Variants in MAGI2 observed in about 807,000 individuals in gnomAD.
MAGI2 encodes the protein membrane associated guanylate kinase, WW and PDZ domain containing 2, also known as membrane-associated guanylate kinase, WW and PDZ domain-containing protein 2.
A neutral mutation model predicts 133.3 loss-of-function variants in MAGI2; 35 were observed. The observed-to-expected ratio is 0.26, with a 90% CI of 0.20 to 0.35. MAGI2 has a LOEUF of 0.35. Among genes scored for constraint, MAGI2 ranks in the 10% least tolerant of loss-of-function variants. The probability of loss-of-function intolerance (pLI) is 1.00; values close to 1 mark genes in which losing one functional copy is unlikely to be tolerated. For missense variants in MAGI2, 1,636 were observed against 1,863.4 expected (o/e 0.88, Z 2.25); for synonymous variants, 729 against 710.6 (o/e 1.03, Z -0.41).
At chr7:78,264,945 A>G (rs991337392) in intron 9 of MAGI2, among the ~76,000 whole-genome samples, 3 of 152,164 alleles carry the variant, frequency 2.0e-5, no homozygotes, top group African/African-American at 7.2e-5. Context: ...CAGTGACTCC[A>G]ACACTCTTAT....
rs549130345 is a variant in MAGI2, at chr7:78,639,925, T to C, written c.419-12686A>G. Among the ~76,000 whole-genome samples, 14 of 152,286 alleles carry C rather than the reference T, an allele frequency of 9.2e-5. No homozygotes were observed. In the South Asian group the frequency reaches 2.9e-3, roughly 32 times the overall value. Reference sequence around the variant, plus strand: ...AAAGAAAACATAAGTATCCAGATTTTCAGCCTGTAGATAACTGCATGCCTC... The same window carrying C: ...AAAGAAAACATAAGTATCCAGATTTCCAGCCTGTAGATAACTGCATGCCTC... On this transcript the variant is annotated intron_variant, in intron 2 of 21. Coordinates refer to ENST00000354212, the MANE Select transcript of MAGI2 (RefSeq NM_012301.4).
chr7:79,344,791 G>C (rs1381562338), intron 1 of MAGI2, among the ~76,000 whole-genome samples: 1 of 152,020 alleles, frequency 6.6e-6, no homozygotes, highest in Non-Finnish European at 1.5e-5. Context: ...TATAAATGTG[G>C]CATTTACCTG....
chr7:78,071,403 G>T (rs931665041), intron 21 of MAGI2, among the ~76,000 whole-genome samples: 14 of 152,154 alleles, frequency 9.2e-5, no homozygotes, highest in African/African-American at 3.4e-4. Flanking sequence ...TGGGCATGGT[G>T]GTGCATACCT....
intron 10 of MAGI2, among the ~76,000 whole-genome samples, chr7:78,208,268 T>G (rs746848081): frequency 4.2e-4 from 64 of 152,114 alleles, no homozygotes; most frequent in Non-Finnish European, 7.2e-4. Flanking sequence ...AAACAGCCAT[T>G]TCTCCCCTGG....
At chr7:79,365,453 T>A (rs919606450) in intron 1 of MAGI2, among the ~76,000 whole-genome samples, 3 of 152,150 alleles carry the variant, frequency 2.0e-5, no homozygotes, top group Non-Finnish European at 4.4e-5. Flanking sequence ...ATTTGTAATA[T>A]CCCCAAACTG....
At chr7:78,974,004 CT>C (rs1205107663) in intron 2 of MAGI2, among the ~76,000 whole-genome samples, 2 of 151,796 alleles carry the variant, frequency 1.3e-5, no homozygotes, top group Non-Finnish European at 2.9e-5. Context: ...AGCATCTTCC[CT>C]TTCAATTTGG....
chr7:78,760,335 G>A (rs1205867555), intron 2 of MAGI2, among the ~76,000 whole-genome samples: 1 of 149,442 alleles, frequency 6.7e-6, no homozygotes, highest in Non-Finnish European at 1.5e-5. Flanking sequence ...AGTTCTTAGA[G>A]TCCTACAACT....
At chr7:78,867,633 A>T (rs1794681095) in intron 2 of MAGI2, among the ~76,000 whole-genome samples, 1 of 151,686 alleles carries the variant, frequency 6.6e-6, no homozygotes, top group Admixed American at 6.6e-5. Flanking sequence ...ATGGCAATGT[A>T]TACATATGTA....
chr7:78,669,347 T>C (rs1347764016), intron 2 of MAGI2, among the ~76,000 whole-genome samples: 1 of 151,810 alleles, frequency 6.6e-6, no homozygotes, highest in East Asian at 1.9e-4. Flanking sequence ...CCTCAACACA[T>C]ACACTCTCCC....
intron 2 of MAGI2, among the ~76,000 whole-genome samples, chr7:78,873,842 A>G (rs1382867598): frequency 6.6e-6 from 1 of 152,110 alleles, no homozygotes; most frequent in Non-Finnish European, 1.5e-5. Flanking sequence ...TACTACTTCA[A>G]GTGCAGCATA....
intron 1 of MAGI2, among the ~76,000 whole-genome samples, chr7:79,093,175 TAAA>T (rs879816262): frequency 7.0e-6 from 1 of 142,298 alleles, no homozygotes. Context: ...TCAGCTCTAT[TAAA>T]AAAAAAAAAA....
chr7:78,210,753 C>G (rs1787690906), intron 10 of MAGI2, among the ~76,000 whole-genome samples: 1 of 152,116 alleles, frequency 6.6e-6, no homozygotes, highest in Non-Finnish European at 1.5e-5. Context: ...TGAAAAGTAA[C>G]AGAGATCCAA....
At chr7:79,102,611 C>G (rs148993280) in intron 1 of MAGI2, among the ~76,000 whole-genome samples, 3 of 152,224 alleles carry the variant, frequency 2.0e-5, no homozygotes, top group African/African-American at 7.2e-5. Flanking sequence ...TGCCTTTCTA[C>G]CCAAAAAGTA....
chr7:78,406,728 T>C (rs753875485), intron 6 of MAGI2, among the ~76,000 whole-genome samples: 14 of 152,050 alleles, frequency 9.2e-5, no homozygotes, highest in Non-Finnish European at 1.9e-4. Context: ...AGGAGAGCCA[T>C]TTTACCACAT....
intron 2 of MAGI2, among the ~76,000 whole-genome samples, chr7:78,902,248 G>T (rs1010627814): frequency 6.6e-6 from 1 of 152,042 alleles, no homozygotes. Context: ...TACTCCCTAG[G>T]ACTGGGCCTA....
chr7:79,039,791 A>G (rs534040830), intron 1 of MAGI2, among the ~76,000 whole-genome samples: 4 of 148,950 alleles, frequency 2.7e-5, no homozygotes, highest in Admixed American at 1.4e-4. Context: ...AGACATATAT[A>G]TATACACATA....
intron 6 of MAGI2, among the ~76,000 whole-genome samples, chr7:78,453,751 A>G (rs961815188): frequency 6.6e-6 from 1 of 152,174 alleles, no homozygotes; most frequent in Non-Finnish European, 1.5e-5. Context: ...AGGATTAGTA[A>G]AATTATCGCC....
chr7:79,315,337 T>A (rs942755489), intron 1 of MAGI2, among the ~76,000 whole-genome samples: 10 of 92,404 alleles, frequency 1.1e-4, no homozygotes, highest in Non-Finnish European at 2.0e-4. Context: ...TTTTTTTTTT[T>A]TTTTTTTTTG....
At chr7:78,870,613 G>C (rs192309325) in intron 2 of MAGI2, among the ~76,000 whole-genome samples, 20 of 152,220 alleles carry the variant, frequency 1.3e-4, no homozygotes, top group African/African-American at 4.1e-4. Context: ...ATGTAAACTA[G>C]TACAACCACT....
Sources: allele counts gnomAD v4.1 joint callset (sites outside exome capture counted in the v4.1 genomes callset), GRCh38; gene constraint gnomAD v4.1.1; transcripts MANE v1.5; gene names NCBI Gene and HGNC (gene_info 2026-07-23, HGNC 2026-07-21).